RASAL2: variants seen among roughly 807,000 people sequenced by gnomAD.
RASAL2 encodes the protein RAS protein activator like 2.
RASAL2 carries 58 observed loss-of-function variants against 128.9 expected under a neutral mutation model. The observed-to-expected ratio is 0.45, with a 90% CI of 0.36 to 0.56. The LOEUF (loss-of-function observed/expected upper bound fraction) is 0.56, where lower values mean the gene tolerates loss of function less well. Among genes scored for constraint, RASAL2 ranks in the 20% least tolerant of loss-of-function variants. RASAL2 has a pLI of 0.00. For synonymous variants in RASAL2, 561 were observed against 580.8 expected, an observed-to-expected ratio of 0.97 and a Z score of 0.49; for missense variants, 1,360 against 1,601.6, an observed-to-expected ratio of 0.85 and a Z score of 2.57.
chr1:178,435,964 A>G (rs1187347815), intron 5 of RASAL2, among the ~76,000 whole-genome samples: 6 of 152,112 alleles, frequency 3.9e-5, no homozygotes, highest in Admixed American at 3.9e-4. Flanking sequence ...ATAAATCCAC[A>G]TTCTGCTTTC....
chr1:178,405,718 T>C (rs1673961362), intron 4 of RASAL2, among the ~76,000 whole-genome samples: 1 of 152,228 alleles, frequency 6.6e-6, no homozygotes, highest in Admixed American at 6.5e-5. Flanking sequence ...TTCTGATCGA[T>C]AGAACTGTAA....
chr1:178,292,688 A>C (rs1255537984), intron 2 of RASAL2, among the ~76,000 whole-genome samples: 3 of 152,072 alleles, frequency 2.0e-5, no homozygotes, highest in Admixed American at 6.6e-5. Flanking sequence ...GCAAGAGATG[A>C]GACCAAGTAA....
intron 3 of RASAL2, among the ~76,000 whole-genome samples, chr1:178,367,318 G>GT (rs1671456105): frequency 6.6e-6 from 1 of 151,886 alleles, no homozygotes; most frequent in African/African-American, 2.4e-5. Context: ...ACCTTTAACA[G>GT]TTTAGTCAAA....
chr1:178,221,281 C>T (rs1024079655), intron 1 of RASAL2, among the ~76,000 whole-genome samples: 8 of 152,004 alleles, frequency 5.3e-5, no homozygotes, highest in Non-Finnish European at 1.0e-4. Flanking sequence ...ATTGATTTCT[C>T]CTCTAATTTT....
At chr1:178,387,489 G>A (rs889975592) in intron 3 of RASAL2, among the ~76,000 whole-genome samples, 2 of 151,892 alleles carry the variant, frequency 1.3e-5, no homozygotes, top group African/African-American at 4.8e-5. Context: ...TCATCATTTA[G>A]CATTAGGTAT....
intron 3 of RASAL2, among the ~76,000 whole-genome samples, chr1:178,302,640 T>C (rs1304724051): frequency 6.6e-6 from 1 of 152,200 alleles, no homozygotes; most frequent in East Asian, 1.9e-4. Flanking sequence ...CGTATACAAA[T>C]TGGCAAGTTG....
intron 4 of RASAL2, among the ~76,000 whole-genome samples, chr1:178,399,651 C>G (rs1485292982): frequency 6.6e-6 from 1 of 152,166 alleles, no homozygotes; most frequent in Non-Finnish European, 1.5e-5. Context: ...AAATAAAAGG[C>G]AGCATGGCAA....
chr1:178,109,330 G>C (rs1244957729), intron 1 of RASAL2, among the ~76,000 whole-genome samples: 1 of 152,002 alleles, frequency 6.6e-6, no homozygotes, highest in African/African-American at 2.4e-5. Context: ...TTAAACTCCT[G>C]AAGTCAAGGA....
In RASAL2 at chr1:178,473,081, C is replaced by T. The variant is rs761627563; in HGVS notation, c.3685C>T (p.Arg1229Trp). Residue 1229 changes from arginine to tryptophan, a missense_variant, in exon 18 of 18, where the codon CGG (arginine) becomes TGG (tryptophan). Around this residue, in one of 3 missense-constraint regions of RASAL2, gnomAD observed 741 missense variants for 868.6 expected, o/e 0.85. Coordinates refer to ENST00000367649, the MANE Select transcript of RASAL2 (RefSeq NM_170692.4). The part of the protein sequence containing the change: ...KQKIIDAQEK[R>W]IVSLDSANTR... ...CATGATTGGTGTGTTGTAGGAAAAA[C>T]GGATCGTGTCCCTGGATTCAGCCAA... 54 of 1,614,004 alleles carry T rather than the reference C, an allele frequency of 3.3e-5. No individual in the cohort carries two copies. Among genetic ancestry groups the T allele is most frequent in the Non-Finnish European group, 4.2e-5 (49 of 1,179,998 alleles).
chr1:178,367,128 T>A (rs1040170501), intron 3 of RASAL2, among the ~76,000 whole-genome samples: 2 of 152,070 alleles, frequency 1.3e-5, no homozygotes, highest in African/African-American at 2.4e-5. Flanking sequence ...TGCCTCGGAG[T>A]CTTCCTGTCT....
At chr1:178,431,175 G>T (rs1190495498) in intron 5 of RASAL2, among the ~76,000 whole-genome samples, 1 of 151,778 alleles carries the variant, frequency 6.6e-6, no homozygotes, top group African/African-American at 2.4e-5. Context: ...ACATAAACTG[G>T]GGGGAAATAA....
chr1:178,267,013 C>A (rs909862920), intron 1 of RASAL2, among the ~76,000 whole-genome samples: 10 of 152,086 alleles, frequency 6.6e-5, no homozygotes, highest in African/African-American at 2.4e-4. Context: ...AAGAGCTGGG[C>A]TTTCCTGCTA....
intron 4 of RASAL2, among the ~76,000 whole-genome samples, chr1:178,412,997 T>A (rs926389209): frequency 3.3e-5 from 5 of 151,810 alleles, no homozygotes; most frequent in African/African-American, 1.2e-4. Flanking sequence ...TCTTTCTTTC[T>A]CTTTCTTTCT....
chr1:178,386,794 A>G (rs1211608779), intron 3 of RASAL2, among the ~76,000 whole-genome samples: 1 of 152,198 alleles, frequency 6.6e-6, no homozygotes, highest in Non-Finnish European at 1.5e-5. Flanking sequence ...CAGCAGGTGA[A>G]AATAATGCAA....
chr1:178,209,845 C>A (rs565613460), intron 1 of RASAL2, among the ~76,000 whole-genome samples: 70 of 151,582 alleles, frequency 4.6e-4, no homozygotes, highest in Admixed American at 1.4e-3. Context: ...GTTTTAGGGG[C>A]CTTCTTTCTC....
chr1:178,311,644 G>A (rs937234679), intron 3 of RASAL2, among the ~76,000 whole-genome samples: 17 of 152,032 alleles, frequency 1.1e-4, no homozygotes, highest in African/African-American at 3.9e-4. Flanking sequence ...ATATGTGCAC[G>A]CTGAATGATG....
intron 1 of RASAL2, among the ~76,000 whole-genome samples, chr1:178,112,536 C>G (rs548851451): frequency 2.0e-5 from 3 of 151,390 alleles, no homozygotes; most frequent in African/African-American, 7.3e-5. Context: ...GGTGACAGAG[C>G]GAGACTCCAT....
At chr1:178,105,707 G>T (rs1382757323) in intron 1 of RASAL2, among the ~76,000 whole-genome samples, 4 of 150,648 alleles carry the variant, frequency 2.7e-5, no homozygotes, top group African/African-American at 7.3e-5. Flanking sequence ...TTTTGAGACG[G>T]AGTCTTGTTC....
chr1:178,245,495 T>G (rs1476269094), intron 1 of RASAL2, among the ~76,000 whole-genome samples: 1 of 152,208 alleles, frequency 6.6e-6, no homozygotes, highest in Non-Finnish European at 1.5e-5. Context: ...ATGGGTAGAT[T>G]ACAAAAATTT....
Sources: gnomAD v4.1 joint callset for allele counts (sites outside exome capture counted in the v4.1 genomes callset) on GRCh38, gnomAD v4.1.1 for gene constraint, gnomAD v4.1.1 regional missense constraint, MANE v1.5 for transcripts, NCBI Gene and HGNC (gene_info 2026-07-23, HGNC 2026-07-21) for gene names.